Variants in XDH observed in about 807,000 individuals in gnomAD.
The protein encoded by XDH is xanthine dehydrogenase.
In XDH, 138 loss-of-function variants were observed where a neutral mutation model predicts 156.1. The ratio of observed to expected loss-of-function variants is 0.88; its 90% CI spans 0.77 to 1.02. XDH has a LOEUF of 1.02. Ranked by LOEUF, XDH falls within the 50% of genes least tolerant of loss-of-function variation. XDH has a pLI of 0.00. For synonymous variants in XDH, 669 were observed against 625.7 expected (o/e 1.07, Z -1.03); for missense variants, 1,849 against 1,684.9 (o/e 1.10, Z -1.71).
At chr2:31,338,394 C>T (rs1412186321) in intron 34 of XDH, among the ~76,000 whole-genome samples, 1 of 152,166 alleles carries the variant, frequency 6.6e-6, no homozygotes, top group Non-Finnish European at 1.5e-5. Context: ...GGGCCCTAAG[C>T]CACACCTATT....
Position 31,377,280 on chromosome 2 carries a change from T to C in XDH, c.1243-43A>G, listed in dbSNP as rs10187719. On this transcript the variant is annotated intron_variant, in intron 13 of 35. Transcript: ENST00000379416. ...GGTGCCTGTTTTCCACCTTGCTCTG[T>C]AGGGGCTGCAAATGGCAGACCCAAA... 0.72 allele frequency: 1,167,569 copies of C among 1,611,930 alleles called. 423,535 individuals carry two copies. The highest frequency in any genetic ancestry group is 0.78 in the African/African-American group (58,607 of 74,914).
At chr2:31,397,823 T>A in intron 5 of XDH, 94 bp from the exon 6 acceptor site, 1 of 1,399,424 alleles carries the variant, frequency 7.1e-7, no homozygotes, top group Non-Finnish European at 1.0e-6. Flanking sequence ...GGGTGCTCTC[T>A]TTACCAGGCT....
At chr2:31,375,681 G>T in intron 14 of XDH, 127 bp from the exon 15 acceptor site, 1 of 1,056,972 alleles carries the variant, frequency 9.5e-7, no homozygotes, top group Non-Finnish European at 1.4e-6. Context: ...GATACTTAGA[G>T]TTGGGTGACT....
In XDH at chr2:31,365,524, C is replaced by T. The variant is rs150297607; in HGVS notation, c.2477G>A (p.Cys826Tyr). Residue 826 changes from cysteine to tyrosine, a missense_variant, in exon 23 of 36, where the codon TGC becomes TAC. Coordinates refer to ENST00000379416, the MANE Select transcript of XDH (RefSeq NM_000379.4). ...AAYKTGRPVR[C>Y]MLDRDEDMLI... ...CATGTCCTCATCACGGTCCAGCATG[C>T]ATCGCACAGGGCGGCCGGTCCTGGG... 4 of 1,614,058 alleles carry T rather than the reference C, an allele frequency of 2.5e-6. No homozygotes were observed. In the African/African-American group the frequency reaches 5.3e-5, roughly 22 times the overall value.
chr2:31,388,279 C>T lies in XDH; in HGVS notation c.512G>A (p.Gly171Glu). The T allele has an allele frequency of 6.2e-7, 1 of 1,614,176 alleles. No homozygotes were observed. Among genetic ancestry groups the T allele is most frequent in the East Asian group, 2.2e-5 (1 of 44,878 alleles). Residue 171 changes from glycine (G) to glutamate (E), a missense_variant, in exon 7 of 36, where the codon GGA becomes GAA. By Grantham distance (98) the Gly-to-Glu change is moderately conservative. Transcript: ENST00000379416. ...GCAATTTGGATTATTCCCATCTCCT[C>T]CACAGCATCCACCATCCTAGAGAGA... ...RTFARDGGCC[G>E]GDGNNPNCCM...
chr2:31,367,014 C>A lies in XDH; in HGVS notation c.2198-20G>T, dbSNP rs1332753922. 6.8e-6 allele frequency: 11 copies of A among 1,613,970 alleles called. No individual in the cohort carries two copies. The highest frequency in any genetic ancestry group is 9.3e-6 in the Non-Finnish European group (11 of 1,179,930). ...TCTCCCCTGGGGAAGCAGTGAGATC[C>A]CTCACAGTGAGCCCAATGCTGCAGA... On this transcript the variant is annotated intron_variant, in intron 20 of 35. Coordinates refer to ENST00000379416, the MANE Select transcript of XDH (RefSeq NM_000379.4).
intron 14 of XDH, 99 bp from the exon 15 acceptor site, chr2:31,375,653 G>T: frequency 6.9e-7 from 1 of 1,442,252 alleles, no homozygotes; most frequent in Non-Finnish European, 9.4e-7. Context: ...TACAAAGCTT[G>T]GTTCAAAATT....
At chr2:31,382,231 C>A (rs1457897746) in intron 11 of XDH, among the ~76,000 whole-genome samples, 1 of 152,048 alleles carries the variant, frequency 6.6e-6, no homozygotes. Context: ...AAATACAATT[C>A]TTCCTGGAAA....
rs1661696586 is a variant in XDH at position 31,388,252 on chromosome 2, C to G, written c.539G>C (p.Cys180Ser). The G allele has an allele frequency of 6.2e-7, 1 of 1,614,176 alleles. No homozygotes were observed. The highest frequency in any genetic ancestry group is 8.5e-7 in the Non-Finnish European group (1 of 1,180,028). ...TGAGTGGTCTTTCTTCTGGTTCATGCAGCAATTTGGATTATTCCCATCTCC... is the reference window on the plus strand; with the variant it reads ...TGAGTGGTCTTTCTTCTGGTTCATGGAGCAATTTGGATTATTCCCATCTCC... ...CGGDGNNPNC[C>S]MNQKKDHSVS... Residue 180 changes from cysteine to serine, a missense_variant, in exon 7 of 36, where the codon TGC (cysteine) becomes TCC (serine). By Grantham distance (112) the Cys-to-Ser change is moderately radical (BLOSUM62 -1). Coordinates refer to ENST00000379416, the MANE Select transcript of XDH (RefSeq NM_000379.4).
At chr2:31,371,884 G>C (rs1187672376) in intron 17 of XDH, among the ~76,000 whole-genome samples, 1 of 152,128 alleles carries the variant, frequency 6.6e-6, no homozygotes, top group Non-Finnish European at 1.5e-5. Flanking sequence ...TGTGTCTAAC[G>C]CCCACCAGGA....
intron 6 of XDH, among the ~76,000 whole-genome samples, chr2:31,390,019 A>G (rs1224975192): frequency 1.3e-5 from 2 of 152,192 alleles, no homozygotes; most frequent in South Asian, 2.1e-4. Context: ...ACACATCATT[A>G]TCACCCAAAG....
intron 8 of XDH, among the ~76,000 whole-genome samples, chr2:31,386,761 G>A (rs939724021): frequency 3.3e-5 from 5 of 152,114 alleles, no homozygotes; most frequent in South Asian, 2.1e-4. Context: ...GAGGCATTAT[G>A]AGCCTCATTT....
chr2:31,344,678 A>G lies in XDH; in HGVS notation c.3404+6T>C. ...ATGAGCTGGGCAAGGACAACACCATACTTACCTATAAAACCCAGTGGCAGA... is the reference window on the plus strand; with the variant it reads ...ATGAGCTGGGCAAGGACAACACCATGCTTACCTATAAAACCCAGTGGCAGA... On this transcript the variant is annotated splice_donor_region_variant and intron_variant, in intron 31 of 35. Coordinates refer to ENST00000379416, the MANE Select transcript of XDH (RefSeq NM_000379.4). The G allele has an allele frequency of 6.2e-7, 1 of 1,614,146 alleles. No individual in the cohort carries two copies. Among genetic ancestry groups the G allele is most frequent in the Non-Finnish European group, 8.5e-7 (1 of 1,180,036 alleles).
intron 5 of XDH, 47 bp from the exon 6 acceptor site, chr2:31,397,776 T>C (rs369661345): frequency 5.6e-5 from 91 of 1,610,898 alleles, no homozygotes; most frequent in Non-Finnish European, 7.4e-5. Context: ...GGCCCTGGGA[T>C]GGGTGAGGAG....
chr2:31,352,485 C>T (rs573301623), intron 24 of XDH, among the ~76,000 whole-genome samples: 1 of 152,282 alleles, frequency 6.6e-6, no homozygotes, highest in East Asian at 1.9e-4. Flanking sequence ...ATTAATTCTA[C>T]TTTTGCTTTC....
At chr2:31,372,779 C>T (rs1237635814) in intron 16 of XDH, among the ~76,000 whole-genome samples, 1 of 151,722 alleles carries the variant, frequency 6.6e-6, no homozygotes, top group Non-Finnish European at 1.5e-5. Flanking sequence ...TTGTGTTTGA[C>T]AATAATTCAA....
intron 6 of XDH, among the ~76,000 whole-genome samples, chr2:31,392,886 A>G (rs1284325526): frequency 6.6e-6 from 1 of 152,030 alleles, no homozygotes; most frequent in African/African-American, 2.4e-5. Context: ...CTTTTTGACC[A>G]TGTGTTCTTT....
chr2:31,393,841 T>A (rs909975312), intron 6 of XDH, among the ~76,000 whole-genome samples: 2 of 150,874 alleles, frequency 1.3e-5, no homozygotes, highest in African/African-American at 4.9e-5. Context: ...GTTTGCAGTA[T>A]ACATTTTTAA....
chr2:31,357,172 T>G (rs549507806), intron 24 of XDH, among the ~76,000 whole-genome samples: 3 of 152,198 alleles, frequency 2.0e-5, no homozygotes, highest in South Asian at 4.1e-4. Flanking sequence ...TAATTTAAGC[T>G]TTCAACTCAA....
Sources: allele counts gnomAD v4.1 joint callset (sites outside exome capture counted in the v4.1 genomes callset), GRCh38; gene constraint gnomAD v4.1.1; transcripts MANE v1.5; gene names NCBI Gene and HGNC (gene_info 2026-07-23, HGNC 2026-07-21).